SYT9: variants seen among roughly 807,000 people sequenced by gnomAD.
The protein encoded by SYT9 is synaptotagmin 9.
In SYT9, 22 loss-of-function variants were observed where a neutral mutation model predicts 48.4. That is an observed-to-expected ratio of 0.45 (90% CI 0.32 to 0.65). The LOEUF (loss-of-function observed/expected upper bound fraction) is 0.65. SYT9 is among the 30% of genes least tolerant of loss of function. The pLI is 0.03. For synonymous variants in SYT9, 265 were observed against 245.0 expected (o/e 1.08, Z -0.76); for missense variants, 577 against 622.0 (o/e 0.93, Z 0.77).
chr11:7,384,884 C>A (rs1850628587), intron 3 of SYT9, among the ~76,000 whole-genome samples: 1 of 152,126 alleles, frequency 6.6e-6, no homozygotes, highest in African/African-American at 2.4e-5. Context: ...GAAGGCTACT[C>A]TCTCACCTCA....
chr11:7,368,182 C>G (rs1850287417), intron 3 of SYT9, among the ~76,000 whole-genome samples: 1 of 152,182 alleles, frequency 6.6e-6, no homozygotes, highest in South Asian at 2.1e-4. Flanking sequence ...TTCCCAAATA[C>G]TAAGTTATCT....
At chr11:7,329,360 A>G (rs1007005298) in intron 3 of SYT9, among the ~76,000 whole-genome samples, 1 of 152,198 alleles carries the variant, frequency 6.6e-6, no homozygotes, top group African/African-American at 2.4e-5. Context: ...TTTCATTCCT[A>G]GAAGCTTTGA....
chr11:7,461,776 A>G (rs752534035), intron 6 of SYT9, among the ~76,000 whole-genome samples: 5 of 152,260 alleles, frequency 3.3e-5, no homozygotes, highest in Admixed American at 6.5e-5. Context: ...AACAGACTCC[A>G]AACATCCTCC....
intron 3 of SYT9, among the ~76,000 whole-genome samples, chr11:7,369,263 T>TA (rs1224782717): frequency 3.3e-5 from 5 of 152,144 alleles, no homozygotes; most frequent in Non-Finnish European, 4.4e-5. Flanking sequence ...ATTGGCAGCA[T>TA]AAATGTCTTC....
chr11:7,250,108 C>T (rs1284386776), upstream of SYT9, among the ~76,000 whole-genome samples: 2 of 152,204 alleles, frequency 1.3e-5, no homozygotes, highest in Non-Finnish European at 2.9e-5. Context: ...TCTTCACTCT[C>T]TCCTAAACTC....
At chr11:7,270,052 A>G (rs1420720506) in intron 1 of SYT9, among the ~76,000 whole-genome samples, 1 of 152,234 alleles carries the variant, frequency 6.6e-6, no homozygotes, top group Non-Finnish European at 1.5e-5. Flanking sequence ...GAGAATTAAC[A>G]TTCTTAAAGT....
chr11:7,393,947 G>A (rs2134064717), intron 3 of SYT9, among the ~76,000 whole-genome samples: 1 of 109,264 alleles, frequency 9.2e-6, no homozygotes, highest in East Asian at 2.7e-4. Context: ...TGTCACCATT[G>A]TCATTTCTTT....
intron 3 of SYT9, among the ~76,000 whole-genome samples, chr11:7,387,181 A>G (rs1438062275): frequency 1.3e-5 from 2 of 152,132 alleles, no homozygotes; most frequent in African/African-American, 2.4e-5. Context: ...GCGGGGAGGG[A>G]TAGCATTAGG....
intron 1 of SYT9, among the ~76,000 whole-genome samples, chr11:7,245,493 G>A (rs11041279): frequency 0.19 from 28,228 of 149,868 alleles, 2,879 homozygotes; most frequent in African/African-American, 0.25. Context: ...GGCTTTTTTC[G>A]TCAGCATATA....
rs1849176816 is a variant in SYT9, at chr11:7,313,417, C to T, written c.520C>T (p.Leu174Phe). ...SARHNSIRRQLNLSNPDFNIQ... is the reference protein window; with the variant it reads ...SARHNSIRRQFNLSNPDFNIQ... ...AAGGCATAATTCAATCCGAAGACAA[C>T]TCAACTTGTCAAACCCGGACTTCAA... The change falls in exon 3 of 7, where the codon CTC becomes TTC. Residue 174 changes from leucine to phenylalanine, a missense_variant. Coordinates refer to ENST00000318881, the MANE Select transcript of SYT9 (RefSeq NM_175733.4). 6.2e-7 allele frequency: 1 copy of T among 1,612,376 alleles called. No individual in the cohort carries two copies. Among genetic ancestry groups the T allele is most frequent in the Non-Finnish European group, 8.5e-7 (1 of 1,179,350 alleles).
chr11:7,447,946 G>A (rs922732799), intron 6 of SYT9, among the ~76,000 whole-genome samples: 30 of 152,188 alleles, frequency 2.0e-4, no homozygotes, highest in African/African-American at 7.2e-4. Flanking sequence ...TCAGAAATTA[G>A]GGATCCTTCA....
At chr11:7,450,032 G>A (rs528404475) in intron 6 of SYT9, among the ~76,000 whole-genome samples, 5 of 152,142 alleles carry the variant, frequency 3.3e-5, no homozygotes, top group South Asian at 4.2e-4. Context: ...TGATCCCTCC[G>A]ATGAATAATA....
chr11:7,284,319 G>A (rs1037015009), intron 1 of SYT9, among the ~76,000 whole-genome samples: 3 of 152,072 alleles, frequency 2.0e-5, no homozygotes, highest in Admixed American at 2.0e-4. Context: ...TGAAGGTTAG[G>A]TACATTAGTT....
intron 1 of SYT9, among the ~76,000 whole-genome samples, chr11:7,239,410 A>C (rs1218775842): frequency 6.6e-6 from 1 of 152,158 alleles, no homozygotes; most frequent in Non-Finnish European, 1.5e-5. Flanking sequence ...AGCCCTCTAT[A>C]GACTTTCCTT....
chr11:7,408,872 ATTTC>A (rs1271686500), intron 3 of SYT9, among the ~76,000 whole-genome samples: 1 of 151,606 alleles, frequency 6.6e-6, no homozygotes, highest in Non-Finnish European at 1.5e-5. Flanking sequence ...GATGCCTTTT[ATTTC>A]TTTGTCTTGC....
At chr11:7,317,783 T>C (rs975328323) in intron 3 of SYT9, among the ~76,000 whole-genome samples, 3 of 152,226 alleles carry the variant, frequency 2.0e-5, no homozygotes, top group East Asian at 1.9e-4. Context: ...ATGCACAACC[T>C]GTTTCTGGAT....
upstream of SYT9, among the ~76,000 whole-genome samples, chr11:7,251,381 C>G (rs1008330434): frequency 1.3e-5 from 2 of 152,120 alleles, no homozygotes; most frequent in African/African-American, 4.8e-5. Context: ...TTAGTTCTGA[C>G]CTAGAGCCTC....
In SYT9 at chr11:7,466,868, A is replaced by T; in HGVS notation, c.*68A>T. ...AACCATCTCACAAAGATCTTAAGTA[A>T]CTTTTTCCATCCAGCAACATCCAGA... is the stretch of plus-strand genomic sequence containing the variant. On this transcript the variant is annotated 3_prime_UTR_variant, in exon 7 of 7. Transcript: ENST00000318881. The T allele has an allele frequency of 1.7e-5, 27 of 1,582,036 alleles. No homozygotes were observed. Among genetic ancestry groups the T allele is most frequent in the Non-Finnish European group, 2.2e-5 (26 of 1,158,282 alleles).
chr11:7,403,966 C>A (rs554700316), intron 3 of SYT9, among the ~76,000 whole-genome samples: 14 of 152,160 alleles, frequency 9.2e-5, no homozygotes, highest in African/African-American at 2.6e-4. Context: ...GGTGTGTAAA[C>A]ATTTAGAATT....
Sources: allele counts gnomAD v4.1 joint callset (sites outside exome capture counted in the v4.1 genomes callset), GRCh38; gene constraint gnomAD v4.1.1; transcripts MANE v1.5; gene names NCBI Gene and HGNC (gene_info 2026-07-23, HGNC 2026-07-21).